AARS1: variants seen among roughly 807,000 people sequenced by gnomAD.
AARS1 encodes the protein alanyl-tRNA synthetase 1.
AARS1 carries 72 observed loss-of-function variants against 108.9 expected under a neutral mutation model. The ratio of observed to expected loss-of-function variants is 0.66; its 90% CI spans 0.55 to 0.80. The LOEUF is 0.80. Ranked by LOEUF, AARS1 falls within the 30% of genes least tolerant of loss-of-function variation. AARS1 has a pLI of 0.00. For synonymous variants in AARS1, 489 were observed against 465.7 expected, an observed-to-expected ratio of 1.05 and a Z score of -0.64; for missense variants, 1,193 against 1,233.2, an observed-to-expected ratio of 0.97 and a Z score of 0.49.
At chr16:70,272,019 T>C in intron 4 of AARS1, 47 bp from the exon 5 acceptor site, 2 of 1,585,610 alleles carry the variant, frequency 1.3e-6, no homozygotes, top group South Asian at 2.2e-5. Context: ...CTGACAAGAG[T>C]TCTGCCCAGA....
At chr16:70,274,990 T>G (rs896731482) in intron 4 of AARS1, among the ~76,000 whole-genome samples, 8 of 151,620 alleles carry the variant, frequency 5.3e-5, no homozygotes. Context: ...CTGGGCACAG[T>G]GGCTCACATC....
At chr16:70,270,403 T>A in intron 5 of AARS1, 63 bp from the exon 6 acceptor site, 1 of 1,598,528 alleles carries the variant, frequency 6.3e-7, no homozygotes, top group African/African-American at 1.3e-5. Flanking sequence ...CTCCAGTCCC[T>A]GCTGGTTAAA....
intron 4 of AARS1, among the ~76,000 whole-genome samples, chr16:70,274,596 T>A (rs914921949): frequency 1.3e-5 from 2 of 151,690 alleles, no homozygotes; most frequent in Non-Finnish European, 2.9e-5. Flanking sequence ...TGGTAGTGTG[T>A]GCCTATAATC....
chr16:70,276,494 T>C lies in AARS1; in HGVS notation c.471A>G (p.Gln157=), dbSNP rs113436178. 1 of 1,614,034 alleles carries C rather than the reference T, an allele frequency of 6.2e-7. No homozygotes were observed. ...EADLECKQIW[Q]NLGLDDTKIL... The stretch of plus-strand genomic sequence containing the variant: ...GTGATGTGCATTCTTACCCCAAATT[T>C]TGCCAGATCTGTTTGCATTCCAGAT... Residue 157 remains glutamine (Q), a synonymous_variant, in exon 4 of 21, where the codon CAA becomes CAG. Transcript: ENST00000261772.
intron 15 of AARS1, 112 bp from the exon 16 acceptor site, chr16:70,255,948 TGG>T (rs1039051556): frequency 9.9e-7 from 1 of 1,012,170 alleles, no homozygotes; most frequent in Non-Finnish European, 1.5e-6. Flanking sequence ...AGGGAAAGCC[TGG>T]GCTTGAGAGT....
At position 70,259,004 on chromosome 16, in the gene AARS1, A is replaced by ACCTCAATCACC. The variant is rs1960066276; in HGVS notation, c.1967_1968insGGTGATTGAGG (p.Asn657ValfsTer7). ...CCTTGGCTGCCTCAATCATCTCATTAGCAATCTCTTCAGCCTTCTTGATCT... is the reference window on the plus strand; with the variant it reads ...CCTTGGCTGCCTCAATCATCTCATTACCTCAATCACCGCAATCTCTTCAGCCTTCTTGATCT... On this transcript the variant is annotated frameshift_variant, in exon 14 of 21. Coordinates refer to ENST00000261772, the MANE Select transcript of AARS1 (RefSeq NM_001605.3). LOFTEE classifies it high-confidence loss of function. 1.9e-6 allele frequency: 3 copies of ACCTCAATCACC among 1,614,220 alleles called. No homozygotes were observed. Among genetic ancestry groups the ACCTCAATCACC allele is most frequent in the Non-Finnish European group, 2.5e-6 (3 of 1,180,042 alleles).
chr16:70,254,801 G>T, intron 16 of AARS1, 67 bp from the exon 17 acceptor site: 1 of 1,118,590 alleles, frequency 8.9e-7, no homozygotes, highest in Non-Finnish European at 1.4e-6. Context: ...CTGTGTCTGA[G>T]CAGCTGCGGA....
Position 70,265,789 on chromosome 16 carries a change from TGCCCATCAGAAAATCCA to T in AARS1, c.1223-144_1223-128del, listed in dbSNP as rs67219164. ...CAAGGCTATCAGTATCGGCCCTGTG[TGCCCATCAGAAAATCCA>T]GCACATCTTTTTCAGTTAACCTGGG... On this transcript the variant is annotated intron_variant, in intron 9 of 20. Coordinates refer to ENST00000261772, the MANE Select transcript of AARS1 (RefSeq NM_001605.3). 130,664 of 1,190,380 alleles carry T rather than the reference TGCCCATCAGAAAATCCA, an allele frequency of 0.11. 8,144 individuals carry two copies. The highest frequency in any genetic ancestry group is 0.17 in the South Asian group (13,078 of 76,806). The allele number at this position is 1,190,380 out of a possible 1,614,324, so 73.7% of individuals were successfully genotyped here.
At chr16:70,259,755 G>A (rs955182046) in intron 13 of AARS1, among the ~76,000 whole-genome samples, 3 of 151,560 alleles carry the variant, frequency 2.0e-5, no homozygotes, top group Admixed American at 1.3e-4. Flanking sequence ...CCAAATGTAT[G>A]TGTTTATAAA....
rs1200891254 is a variant in AARS1 at position 70,254,055 on chromosome 16, A to G, written c.2401-17T>C. ...GGCCAGGGCCTGGAACCAATAGACG[A>G]CCATCTCAATCTGGGCCACAACTTG... On this transcript the variant is annotated splice_polypyrimidine_tract_variant and intron_variant, in intron 17 of 20. Coordinates refer to ENST00000261772, the MANE Select transcript of AARS1 (RefSeq NM_001605.3). 18 of 1,613,322 alleles carry G rather than the reference A, an allele frequency of 1.1e-5. No individual in the cohort carries two copies. Among genetic ancestry groups the G allele is most frequent in the Non-Finnish European group, 1.3e-5 (15 of 1,180,016 alleles).
chr16:70,286,059 A>T (rs764381999), intron 1 of AARS1, among the ~76,000 whole-genome samples: 1 of 152,234 alleles, frequency 6.6e-6, no homozygotes, highest in Non-Finnish European at 1.5e-5. Flanking sequence ...ATGCAGAATT[A>T]ACTGCAGTAT....
chr16:70,271,447 G>A (rs552535056), intron 5 of AARS1, among the ~76,000 whole-genome samples: 2 of 151,452 alleles, frequency 1.3e-5, no homozygotes, highest in African/African-American at 4.9e-5. Context: ...AGAATCGCTT[G>A]AACCCAGGGC....
intron 16 of AARS1, among the ~76,000 whole-genome samples, chr16:70,255,045 G>A (rs1008732224): frequency 8.5e-5 from 13 of 152,068 alleles, no homozygotes; most frequent in African/African-American, 2.9e-4. Context: ...CAGTTCCCAT[G>A]AAAGAGCACC....
chr16:70,255,193 C>CTTTTTTTTTTTT (rs1567601605), intron 16 of AARS1, among the ~76,000 whole-genome samples: 2 of 124,738 alleles, frequency 1.6e-5, no homozygotes, highest in Admixed American at 8.3e-5. Flanking sequence ...GCCAGATTCA[C>CTTTTTTTTTTTT]ATTTTTTTTT....
chr16:70,252,522 T>C lies in AARS1; in HGVS notation c.*199A>G, dbSNP rs1186202842. 2 of 623,346 alleles carry C rather than the reference T, an allele frequency of 3.2e-6. No individual in the cohort carries two copies. The highest frequency in any genetic ancestry group is 5.7e-6 in the Non-Finnish European group (2 of 352,178). 38.6% of individuals were successfully genotyped at this position (623,346 alleles called of 1,614,324 possible). On this transcript the variant is annotated 3_prime_UTR_variant, in exon 21 of 21. Coordinates refer to ENST00000261772, the MANE Select transcript of AARS1 (RefSeq NM_001605.3). The stretch of plus-strand genomic sequence containing the variant: ...AACAGCAATGCGGGGTTAGTGGTTC[T>C]AGACCGATGGCACTGACGTGGAGGG...
Position 70,282,665 on chromosome 16 carries a change from T to C in AARS1, c.99A>G (p.Pro33=). ...CAAAGAGCAAAGTGGGGTCATCCAA[T>C]GGGATGGTGGCAGACGAGTGAACAT... is the stretch of plus-strand genomic sequence containing the variant. ...HTYVHSSATI[P]LDDPTLLFAN... Residue 33 remains proline (P), a synonymous_variant, in exon 2 of 21, where the codon CCA becomes CCG. Coordinates refer to ENST00000261772, the MANE Select transcript of AARS1 (RefSeq NM_001605.3). 1.2e-6 allele frequency: 2 copies of C among 1,614,176 alleles called. No individual in the cohort carries two copies. The highest frequency in any genetic ancestry group is 1.7e-6 in the Non-Finnish European group (2 of 1,180,040).
In AARS1 at chr16:70,276,534, G is replaced by C. The variant is rs753427102; in HGVS notation, c.431C>G (p.Ala144Gly). 4 of 1,614,092 alleles carry C rather than the reference G, an allele frequency of 2.5e-6. No individual in the cohort carries two copies. The East Asian group carries it at 8.9e-5, about 36-fold the overall frequency. Reference protein sequence around the residue: ...YVTYFGGDEAAGLEADLECKQ... With the variant: ...YVTYFGGDEAGGLEADLECKQ... Reference sequence around the variant, plus strand: ...GCATTCCAGATCTGCTTCTAAGCCAGCTGCTTCATCCCCGCCAAAGTAAGT... The same window carrying C: ...GCATTCCAGATCTGCTTCTAAGCCACCTGCTTCATCCCCGCCAAAGTAAGT... Residue 144 changes from alanine (A) to glycine (G), a missense_variant, in exon 4 of 21, where the codon GCT (alanine) becomes GGT (glycine). Coordinates refer to ENST00000261772, the MANE Select transcript of AARS1 (RefSeq NM_001605.3).
intron 10 of AARS1, 168 bp downstream of exon 10, chr16:70,265,370 T>C: frequency 8.8e-7 from 1 of 1,132,238 alleles, no homozygotes. Context: ...TCAGACATTA[T>C]CGCCAATTAC....
At position 70,252,687 on chromosome 16, in the gene AARS1, G is replaced by C; in HGVS notation, c.*34C>G. The C allele has an allele frequency of 6.2e-7, 1 of 1,610,488 alleles. No individual in the cohort carries two copies. Among genetic ancestry groups the C allele is most frequent in the South Asian group, 1.1e-5 (1 of 90,782 alleles). On this transcript the variant is annotated 3_prime_UTR_variant, in exon 21 of 21. Transcript: ENST00000261772. ...GCAGATGAAGAGCTCTTGGCTGGAC[G>C]GATGGATCCAGTGGGAGCCTCCTCC...
Sources: gnomAD v4.1 joint callset for allele counts (sites outside exome capture counted in the v4.1 genomes callset) on GRCh38, gnomAD v4.1.1 for gene constraint, MANE v1.5 for transcripts, NCBI Gene and HGNC (gene_info 2026-07-23, HGNC 2026-07-21) for gene names.